GALNTL6: variants seen among roughly 807,000 people sequenced by gnomAD.
The protein encoded by GALNTL6 is polypeptide N-acetylgalactosaminyltransferase-like 6.
A neutral mutation model predicts 73.7 loss-of-function variants in GALNTL6; 46 were observed. That is an observed-to-expected ratio of 0.62 (90% CI 0.49 to 0.80). The LOEUF (loss-of-function observed/expected upper bound fraction) is 0.80, where lower values mean the gene tolerates loss of function less well. Among genes scored for constraint, GALNTL6 ranks in the 30% least tolerant of loss-of-function variants. The probability of loss-of-function intolerance (pLI) is 0.00; values close to 1 mark genes in which losing one functional copy is unlikely to be tolerated. For synonymous variants in GALNTL6, 259 were observed against 263.7 expected, an observed-to-expected ratio of 0.98 and a Z score of 0.17; for missense variants, 604 against 755.0, an observed-to-expected ratio of 0.80 and a Z score of 2.34.
chr4:172,656,576 T>C lies in GALNTL6; in HGVS notation c.554-152785T>C, dbSNP rs566340874. On this transcript the variant is annotated intron_variant, in intron 5 of 12. Coordinates refer to ENST00000506823, the MANE Select transcript of GALNTL6 (RefSeq NM_001034845.3). ...TCTCCTAAGCATCATTCTTTACCCA[T>C]GTATGCAATGACACGGTGTTCTGTT... Among the ~76,000 whole-genome samples, 255 of 152,302 alleles carry C rather than the reference T, an allele frequency of 1.7e-3. 2 individuals are homozygous for C. The highest frequency in any genetic ancestry group is 5.8e-3 in the African/African-American group (242 of 41,564).
intron 7 of GALNTL6, among the ~76,000 whole-genome samples, chr4:172,839,746 C>A (rs891563089): frequency 5.9e-5 from 9 of 152,176 alleles, no homozygotes; most frequent in Admixed American, 5.9e-4. Context: ...TGTTGAATAA[C>A]CTTTGAGGCA....
chr4:172,282,743 C>A (rs748940334), intron 3 of GALNTL6, among the ~76,000 whole-genome samples: 1 of 150,458 alleles, frequency 6.6e-6, no homozygotes, highest in African/African-American at 2.4e-5. Context: ...AGGGTGATGG[C>A]GATGGAACTG....
At chr4:172,115,672 C>A in intron 2 of GALNTL6, among the ~76,000 whole-genome samples, 1 of 151,916 alleles carries the variant, frequency 6.6e-6, no homozygotes, top group Non-Finnish European at 1.5e-5. Context: ...TGAGTAATTA[C>A]GGGAATGACA....
At chr4:172,977,388 T>C (rs533006839) in intron 10 of GALNTL6, among the ~76,000 whole-genome samples, 57 of 152,350 alleles carry the variant, frequency 3.7e-4, no homozygotes, top group African/African-American at 1.3e-3. Context: ...ACTGAACAAC[T>C]CCTCACATTC....
chr4:172,417,645 T>A (rs6820749), intron 5 of GALNTL6, among the ~76,000 whole-genome samples: 30,838 of 151,858 alleles, frequency 0.2, 3,543 homozygotes, highest in East Asian at 0.31. Flanking sequence ...TGAGACCCTG[T>A]CTCAAAAAAA....
chr4:172,918,358 C>T (rs1471061104), intron 8 of GALNTL6, among the ~76,000 whole-genome samples: 1 of 151,830 alleles, frequency 6.6e-6, no homozygotes, highest in Admixed American at 6.6e-5. Context: ...CCACATTGTG[C>T]ACATGTACCC....
intron 3 of GALNTL6, among the ~76,000 whole-genome samples, chr4:172,295,475 T>C (rs1739635501): frequency 6.7e-6 from 1 of 149,024 alleles, no homozygotes; most frequent in South Asian, 2.1e-4. Context: ...TTATTAACAA[T>C]GACTAGTTAT....
chr4:172,782,219 C>T (rs562162052), intron 5 of GALNTL6, among the ~76,000 whole-genome samples: 1 of 152,254 alleles, frequency 6.6e-6, no homozygotes, highest in East Asian at 1.9e-4. Context: ...GGCAAACACA[C>T]ATATGCACAA....
At chr4:172,242,241 C>A (rs1431604651) in intron 3 of GALNTL6, among the ~76,000 whole-genome samples, 1 of 151,930 alleles carries the variant, frequency 6.6e-6, no homozygotes, top group Non-Finnish European at 1.5e-5. Context: ...AATATATGAT[C>A]TTTCCTATTT....
At chr4:172,388,905 A>C (rs1449501793) in intron 5 of GALNTL6, among the ~76,000 whole-genome samples, 1 of 152,090 alleles carries the variant, frequency 6.6e-6, no homozygotes, top group Non-Finnish European at 1.5e-5. Flanking sequence ...TTTAAAAATA[A>C]GCAACCAGAA....
intron 2 of GALNTL6, among the ~76,000 whole-genome samples, chr4:171,821,023 T>A (rs1734664445): frequency 6.6e-6 from 1 of 151,426 alleles, no homozygotes; most frequent in Non-Finnish European, 1.5e-5. Context: ...TGGCCTTTCC[T>A]TTTCCCTCAT....
At chr4:172,645,453 C>T (rs1459004466) in intron 5 of GALNTL6, among the ~76,000 whole-genome samples, 6 of 151,694 alleles carry the variant, frequency 4.0e-5, no homozygotes, top group Admixed American at 1.3e-4. Context: ...GAAGATTATC[C>T]ATGCCCCACC....
At chr4:172,286,662 C>T (rs1002203324) in intron 3 of GALNTL6, among the ~76,000 whole-genome samples, 12 of 151,998 alleles carry the variant, frequency 7.9e-5, no homozygotes, top group South Asian at 4.1e-4. Flanking sequence ...ATAAAGATAA[C>T]GGAATGGAGC....
intron 2 of GALNTL6, among the ~76,000 whole-genome samples, chr4:172,177,973 A>G (rs1316935554): frequency 6.6e-6 from 1 of 151,840 alleles, no homozygotes; most frequent in African/African-American, 2.4e-5. Context: ...ATGTCATTCA[A>G]TGATATCAAT....
chr4:172,170,551 C>G (rs1159090063), intron 2 of GALNTL6, among the ~76,000 whole-genome samples: 1 of 149,084 alleles, frequency 6.7e-6, no homozygotes, highest in Non-Finnish European at 1.5e-5. Flanking sequence ...GCTCTGTCAC[C>G]CAGTCTAGAG....
At chr4:172,372,490 G>A (rs550207465) in intron 5 of GALNTL6, among the ~76,000 whole-genome samples, 7 of 152,176 alleles carry the variant, frequency 4.6e-5, no homozygotes, top group Admixed American at 3.3e-4. Flanking sequence ...GATGGCCACC[G>A]CCACAACTAC....
At chr4:172,811,762 C>T (rs990930245) in intron 6 of GALNTL6, among the ~76,000 whole-genome samples, 5 of 152,286 alleles carry the variant, frequency 3.3e-5, no homozygotes, top group African/African-American at 1.2e-4. Flanking sequence ...GCAACCCTTT[C>T]CACACTCCAG....
chr4:172,524,439 C>T (rs1734885690), intron 5 of GALNTL6, among the ~76,000 whole-genome samples: 1 of 151,972 alleles, frequency 6.6e-6, no homozygotes, highest in Non-Finnish European at 1.5e-5. Context: ...TTAGTAAAGA[C>T]AGGGTTTCAC....
At chr4:172,066,266 C>G (rs773080514) in intron 2 of GALNTL6, among the ~76,000 whole-genome samples, 16 of 152,138 alleles carry the variant, frequency 1.1e-4, no homozygotes, top group Non-Finnish European at 2.1e-4. Flanking sequence ...CTCCCTACTC[C>G]CAACTCCTGG....
Sources: gnomAD v4.1 joint callset for allele counts (sites outside exome capture counted in the v4.1 genomes callset) on GRCh38, gnomAD v4.1.1 for gene constraint, MANE v1.5 for transcripts, NCBI Gene and HGNC (gene_info 2026-07-23, HGNC 2026-07-21) for gene names.